The following LINGO2 variants were observed in gnomAD, a reference collection of about 807,000 sequenced individuals.
The protein encoded by LINGO2 is leucine-rich repeat and immunoglobulin-like domain-containing nogo receptor-interacting protein 2.
In LINGO2, 14 loss-of-function variants were observed where a neutral mutation model predicts 30.6. That is an observed-to-expected ratio of 0.46 (90% confidence interval 0.30 to 0.72). The LOEUF is 0.72. Among genes scored for constraint, LINGO2 ranks in the 30% least tolerant of loss-of-function variants. The pLI, the probability that LINGO2 is intolerant of heterozygous loss-of-function variation, is 0.07. For missense variants in LINGO2, 729 were observed against 751.7 expected (o/e 0.97, Z 0.35); for synonymous variants, 317 against 288.5 (o/e 1.10, Z -1.00).
chr9:28,298,576 G>C (rs921952521), intron 3 of LINGO2, among the ~76,000 whole-genome samples: 11 of 151,250 alleles, frequency 7.3e-5, no homozygotes, highest in Non-Finnish European at 3.0e-5. Context: ...CCAGCTACTC[G>C]GGAGGCTGAG....
the LINGO2 span, among the ~76,000 whole-genome samples, chr9:28,685,977 A>ATGTGTGTGTGTGTGTG: frequency 9.3e-4 from 135 of 145,682 alleles, 1 homozygote; most frequent in African/African-American, 3.3e-3. Flanking sequence ...AACATATATG[A>ATGTGTGTGTGTGTGTG]TGTGTGTGTG....
At chr9:28,992,497 C>T in the LINGO2 span, among the ~76,000 whole-genome samples, 1 of 151,784 alleles carries the variant, frequency 6.6e-6, no homozygotes, top group Admixed American at 6.6e-5. Flanking sequence ...TTGAACTCAG[C>T]TCTGCACCAA....
rs1011897601 is a variant in LINGO2 at position 28,305,036 on chromosome 9, A to G, written c.-245-9670T>C. Among the ~76,000 whole-genome samples the G allele has an allele frequency of 5.3e-5, 8 of 152,192 alleles. No individual in the cohort carries two copies. In the South Asian group the frequency reaches 1.2e-3, roughly 24 times the overall value. On this transcript the variant is annotated intron_variant, in intron 3 of 5. Transcript: ENST00000379992. ...GGAATAGCCAGAGCAACTTTACAATAAAGATACATTAAATTAAAAGAGATT... is the reference window on the plus strand; with the variant it reads ...GGAATAGCCAGAGCAACTTTACAATGAAGATACATTAAATTAAAAGAGATT...
At chr9:28,616,481 C>A (rs1333764512) in intron 1 of LINGO2, among the ~76,000 whole-genome samples, 1 of 152,088 alleles carries the variant, frequency 6.6e-6, no homozygotes, top group African/African-American at 2.4e-5. Context: ...TTTACAAAGG[C>A]CCTTAAGTAA....
chr9:27,995,750 CA>C (rs1366677576), intron 5 of LINGO2, among the ~76,000 whole-genome samples: 5 of 152,112 alleles, frequency 3.3e-5, no homozygotes, highest in African/African-American at 1.2e-4. Flanking sequence ...GACAAACACA[CA>C]GCTAACATCA....
At chr9:28,675,607 A>G in the LINGO2 span, among the ~76,000 whole-genome samples, 4 of 152,078 alleles carry the variant, frequency 2.6e-5, no homozygotes, top group East Asian at 5.8e-4. Flanking sequence ...GCGGTGGCTC[A>G]CGCCTGTAAT....
At chr9:28,978,348 C>A in the LINGO2 span, among the ~76,000 whole-genome samples, 1 of 151,982 alleles carries the variant, frequency 6.6e-6, no homozygotes, top group East Asian at 1.9e-4. Context: ...GATTAACAGC[C>A]AATAGTATAT....
chr9:28,554,418 G>T (rs1822521358), intron 1 of LINGO2, among the ~76,000 whole-genome samples: 1 of 137,248 alleles, frequency 7.3e-6, no homozygotes, highest in South Asian at 2.5e-4. Flanking sequence ...TTACATAATG[G>T]TAGAGGGATC....
chr9:28,446,669 T>G (rs1824436500), intron 2 of LINGO2, among the ~76,000 whole-genome samples: 1 of 152,232 alleles, frequency 6.6e-6, no homozygotes, highest in South Asian at 2.1e-4. Context: ...TGCAAAAGCC[T>G]TCAAACTGGT....
At chr9:29,089,499 C>T in the LINGO2 span, among the ~76,000 whole-genome samples, 1 of 151,956 alleles carries the variant, frequency 6.6e-6, no homozygotes, top group African/African-American at 2.4e-5. Flanking sequence ...ACACAAAGGT[C>T]TACTCTAATA....
chr9:28,809,409 T>A, the LINGO2 span, among the ~76,000 whole-genome samples: 2 of 152,168 alleles, frequency 1.3e-5, no homozygotes, highest in Non-Finnish European at 2.9e-5. Flanking sequence ...ACCATTATTA[T>A]CTCAAATCTA....
the LINGO2 span, among the ~76,000 whole-genome samples, chr9:29,173,466 A>G: frequency 6.6e-6 from 1 of 152,192 alleles, no homozygotes; most frequent in Non-Finnish European, 1.5e-5. Context: ...ACTGCTATGT[A>G]GGAGCAAGTC....
chr9:28,613,913 A>G (rs1339824328), intron 1 of LINGO2, among the ~76,000 whole-genome samples: 1 of 151,876 alleles, frequency 6.6e-6, no homozygotes, highest in African/African-American at 2.4e-5. Flanking sequence ...AAATGAATGG[A>G]TACCCAACTT....
chr9:29,184,639 C>T, the LINGO2 span, among the ~76,000 whole-genome samples: 4 of 152,012 alleles, frequency 2.6e-5, no homozygotes, highest in African/African-American at 9.6e-5. Flanking sequence ...TCTTATGTAG[C>T]AAGAATCCCT....
chr9:28,715,952 T>C, the LINGO2 span, among the ~76,000 whole-genome samples: 5 of 152,028 alleles, frequency 3.3e-5, no homozygotes, highest in Non-Finnish European at 5.9e-5. Context: ...TGAATTTGAA[T>C]TTGGTAGTTG....
chr9:28,758,705 G>T, the LINGO2 span, among the ~76,000 whole-genome samples: 1 of 152,066 alleles, frequency 6.6e-6, no homozygotes, highest in South Asian at 2.1e-4. Flanking sequence ...ATCTTAAAAT[G>T]ACAAACAAAT....
the LINGO2 span, among the ~76,000 whole-genome samples, chr9:29,091,271 C>T: frequency 3.3e-5 from 5 of 152,106 alleles, no homozygotes; most frequent in South Asian, 1.0e-3. Flanking sequence ...CTTTATGCTT[C>T]TCAGTTGTGC....
the LINGO2 span, among the ~76,000 whole-genome samples, chr9:28,919,660 A>T: frequency 1.3e-5 from 2 of 152,140 alleles, no homozygotes; most frequent in Non-Finnish European, 2.9e-5. Flanking sequence ...TCAGTAGTAC[A>T]CTGCAAAAGA....
intron 1 of LINGO2, among the ~76,000 whole-genome samples, chr9:28,649,797 G>T (rs1828008443): frequency 6.6e-6 from 1 of 151,958 alleles, no homozygotes; most frequent in Admixed American, 6.6e-5. Context: ...ATACAAGAAG[G>T]GGTTGTACTG....
Sources: allele counts gnomAD v4.1 joint callset (sites outside exome capture counted in the v4.1 genomes callset), GRCh38; gene constraint gnomAD v4.1.1; transcripts MANE v1.5; gene names NCBI Gene and HGNC (gene_info 2026-07-23, HGNC 2026-07-21).